HLCS: variants seen among roughly 807,000 people sequenced by gnomAD.
HLCS encodes holocarboxylase synthetase.
Under a neutral mutation model 75.0 loss-of-function variants are expected in HLCS, and 53 were observed. The observed-to-expected ratio is 0.71, with a 90% CI of 0.57 to 0.89. HLCS has a LOEUF of 0.89. Ranked by LOEUF, HLCS falls within the 40% of genes least tolerant of loss-of-function variation. The pLI is 0.00. For missense variants in HLCS, 966 were observed against 1,074.0 expected, an observed-to-expected ratio of 0.90 and a Z score of 1.41; for synonymous variants, 431 against 428.6, an observed-to-expected ratio of 1.01 and a Z score of -0.07.
chr21:36,754,503 G>A, intron 10 of HLCS, 86 bp from the exon 11 acceptor site: 1 of 1,423,368 alleles, frequency 7.0e-7, no homozygotes, highest in Non-Finnish European at 9.6e-7. Context: ...CATGATGAGA[G>A]AGCTGGGCGT....
Position 36,938,829 on chromosome 21 carries a change from T to C in HLCS, c.493+3A>G, listed in dbSNP as rs1224064582. 1.2e-6 allele frequency: 2 copies of C among 1,614,004 alleles called. No homozygotes were observed. The highest frequency in any genetic ancestry group is 2.2e-5 in the South Asian group (2 of 91,082). ...AATAAAAACATTTTCTAAAGTTACTTACACACAATCTTTTGGGGTACCAGT... is the reference window on the plus strand; with the variant it reads ...AATAAAAACATTTTCTAAAGTTACTCACACACAATCTTTTGGGGTACCAGT... On this transcript the variant is annotated splice_donor_region_variant and intron_variant, in intron 3 of 10. Coordinates refer to ENST00000674895, the MANE Select transcript of HLCS (RefSeq NM_001352514.2).
At chr21:36,860,463 G>A (rs2063348289) in intron 6 of HLCS, among the ~76,000 whole-genome samples, 1 of 152,200 alleles carries the variant, frequency 6.6e-6, no homozygotes, top group Admixed American at 6.5e-5. Context: ...AGCTGCTGAT[G>A]TTTTATTGTT....
At chr21:36,916,518 AT>A (rs57613865) in intron 5 of HLCS, among the ~76,000 whole-genome samples, 4,631 of 92,998 alleles carry the variant, frequency 0.05, 107 homozygotes, top group East Asian at 0.13. Context: ...TGCCTAGCTA[AT>A]TTTTTTTTTT....
intron 2 of HLCS, among the ~76,000 whole-genome samples, chr21:36,941,843 A>G (rs1273844154): frequency 6.6e-6 from 1 of 152,066 alleles, no homozygotes; most frequent in South Asian, 2.1e-4. Context: ...TGTCTCTACT[A>G]AAAAATACAA....
intron 1 of HLCS, chr21:36,974,233 C>T (rs62225531): frequency 0.41 from 62,282 of 152,000 alleles, 13,500 homozygotes; most frequent in South Asian, 0.53. Flanking sequence ...GGGAAGAAGG[C>T]GGAAAAATAC....
At chr21:36,829,627 T>C (rs1313709377) in intron 6 of HLCS, among the ~76,000 whole-genome samples, 1 of 152,186 alleles carries the variant, frequency 6.6e-6, no homozygotes, top group Admixed American at 6.5e-5. Context: ...TCTCAATGGG[T>C]TCACGGTGCC....
At chr21:36,776,405 C>T (rs991122518) in intron 6 of HLCS, among the ~76,000 whole-genome samples, 1 of 114,224 alleles carries the variant, frequency 8.8e-6, no homozygotes, top group African/African-American at 3.4e-5. Context: ...CTTGTTACAA[C>T]ACTATTTTAT....
chr21:36,865,309 T>C (rs1045283113), intron 6 of HLCS, among the ~76,000 whole-genome samples: 1 of 152,040 alleles, frequency 6.6e-6, no homozygotes, highest in Non-Finnish European at 1.5e-5. Context: ...TGTAGACTCC[T>C]GGGTCTCCTA....
intron 1 of HLCS, among the ~76,000 whole-genome samples, chr21:36,972,702 T>C (rs1043625896): frequency 6.6e-6 from 1 of 152,236 alleles, no homozygotes; most frequent in African/African-American, 2.4e-5. Context: ...TGGTCTTATA[T>C]ATACTTGAAG....
At chr21:36,801,794 T>A (rs9680205) in intron 6 of HLCS, among the ~76,000 whole-genome samples, 2,694 of 151,664 alleles carry the variant, frequency 0.018, 66 homozygotes, top group African/African-American at 0.057. Flanking sequence ...TTTTTTTTTT[T>A]AAATTTTTTA....
chr21:36,841,196 C>T (rs773833484), intron 6 of HLCS, among the ~76,000 whole-genome samples: 5 of 152,070 alleles, frequency 3.3e-5, no homozygotes, highest in Non-Finnish European at 7.4e-5. Flanking sequence ...ATATTTCAAC[C>T]GAATTGGCTT....
At chr21:36,891,854 G>A (rs1027696682) in intron 6 of HLCS, among the ~76,000 whole-genome samples, 1 of 152,192 alleles carries the variant, frequency 6.6e-6, no homozygotes, top group Admixed American at 6.5e-5. Context: ...GCCCCAGCAG[G>A]AGATAAGACA....
intron 6 of HLCS, among the ~76,000 whole-genome samples, chr21:36,808,855 T>C (rs1212188493): frequency 6.6e-6 from 1 of 152,222 alleles, no homozygotes; most frequent in Non-Finnish European, 1.5e-5. Flanking sequence ...TAAATTCTTT[T>C]TTCTTTTATC....
intron 6 of HLCS, among the ~76,000 whole-genome samples, chr21:36,874,917 G>A (rs1457494023): frequency 2.0e-5 from 3 of 152,128 alleles, no homozygotes; most frequent in East Asian, 1.9e-4. Flanking sequence ...GTGCCTACTC[G>A]CACTCCCTGG....
intron 1 of HLCS, among the ~76,000 whole-genome samples, chr21:36,979,185 T>C (rs1197258813): frequency 2.0e-5 from 3 of 148,682 alleles, no homozygotes; most frequent in African/African-American, 7.5e-5. Context: ...GGCAGGAGAA[T>C]AGCATGAACC....
chr21:36,825,891 C>T (rs2061992041), intron 6 of HLCS, among the ~76,000 whole-genome samples: 1 of 152,216 alleles, frequency 6.6e-6, no homozygotes, highest in South Asian at 2.1e-4. Context: ...TGCCAACCAA[C>T]ACCTAAGAGG....
chr21:36,908,925 T>C (rs1313066497), intron 5 of HLCS, among the ~76,000 whole-genome samples: 1 of 152,196 alleles, frequency 6.6e-6, no homozygotes, highest in Admixed American at 6.5e-5. Context: ...ACAAAGGCAG[T>C]GGCTCACGCC....
chr21:36,904,447 A>G (rs1396642648), intron 5 of HLCS, among the ~76,000 whole-genome samples: 2 of 152,224 alleles, frequency 1.3e-5, no homozygotes, highest in Non-Finnish European at 2.9e-5. Flanking sequence ...ATTTTACATA[A>G]TCTTTCAGGG....
chr21:36,768,186 A>G (rs751856492), intron 6 of HLCS, among the ~76,000 whole-genome samples: 4 of 152,252 alleles, frequency 2.6e-5, no homozygotes, highest in African/African-American at 7.2e-5. Context: ...CCACTTTGTC[A>G]GTGCAGATGA....
Sources: allele counts gnomAD v4.1 joint callset (sites outside exome capture counted in the v4.1 genomes callset), GRCh38; gene constraint gnomAD v4.1.1; transcripts MANE v1.5; gene names NCBI Gene and HGNC (gene_info 2026-07-23, HGNC 2026-07-21).